The following SETBP1 variants were observed in gnomAD, a reference collection of about 807,000 sequenced individuals.
SETBP1 encodes the protein SET-binding protein.
A neutral mutation model predicts 101.0 loss-of-function variants in SETBP1; 9 were observed. The ratio of observed to expected loss-of-function variants is 0.09; its 90% CI spans 0.05 to 0.16. The LOEUF is 0.16. Ranked by LOEUF, SETBP1 falls within the 10% of genes least tolerant of loss-of-function variation. The pLI, the probability that SETBP1 is intolerant of heterozygous loss-of-function variation, is 1.00. For missense variants in SETBP1, 1,858 were observed against 2,033.8 expected (o/e 0.91, Z 1.66); for synonymous variants, 818 against 788.5 (o/e 1.04, Z -0.63).
chr18:44,911,941 C>CCACA (rs5824564), intron 3 of SETBP1, among the ~76,000 whole-genome samples: 64 of 150,016 alleles, frequency 4.3e-4, no homozygotes, highest in Admixed American at 1.6e-3. Flanking sequence ...ATACACACAC[C>CCACA]CACACACACA....
intron 4 of SETBP1, among the ~76,000 whole-genome samples, chr18:44,957,676 C>T (rs911602476): frequency 6.6e-6 from 1 of 152,154 alleles, no homozygotes; most frequent in Non-Finnish European, 1.5e-5. Context: ...CTGTCACTCA[C>T]TGGCAGGATA....
At chr18:44,703,662 TTTG>T (rs1216574174) in intron 2 of SETBP1, among the ~76,000 whole-genome samples, 1 of 152,062 alleles carries the variant, frequency 6.6e-6, no homozygotes, top group Non-Finnish European at 1.5e-5. Flanking sequence ...AGTTTAACAT[TTTG>T]GAAGACAAAG....
chr18:44,944,304 C>G (rs1002200291), intron 3 of SETBP1, among the ~76,000 whole-genome samples: 3 of 152,150 alleles, frequency 2.0e-5, no homozygotes, highest in Non-Finnish European at 4.4e-5. Flanking sequence ...TCCTAACAGG[C>G]CTATGGTGGT....
At chr18:45,040,760 C>A (rs1450229085) in intron 5 of SETBP1, among the ~76,000 whole-genome samples, 1 of 152,212 alleles carries the variant, frequency 6.6e-6, no homozygotes, top group African/African-American at 2.4e-5. Flanking sequence ...TCATACTTGC[C>A]TCCCTGGTAA....
At chr18:44,688,627 T>C (rs910938243) in intron 1 of SETBP1, among the ~76,000 whole-genome samples, 12 of 152,026 alleles carry the variant, frequency 7.9e-5, no homozygotes, top group Non-Finnish European at 1.8e-4. Context: ...TAATTTTTTA[T>C]ATTTGTTGTA....
At chr18:44,727,607 G>A (rs1183716803) in intron 2 of SETBP1, among the ~76,000 whole-genome samples, 2 of 152,080 alleles carry the variant, frequency 1.3e-5, no homozygotes, top group Non-Finnish European at 2.9e-5. Context: ...AATCATTTAC[G>A]CAACCCCTAC....
In SETBP1 at chr18:45,002,345, G is replaced by T. The variant is rs2156602; in HGVS notation, c.4001-36140G>T. Reference sequence around the variant, plus strand: ...AGATTCCATTCTTGAATCCTTTGCCGTGTTATAAACAAGGCTGAGCACACA... The same window carrying T: ...AGATTCCATTCTTGAATCCTTTGCCTTGTTATAAACAAGGCTGAGCACACA... On this transcript the variant is annotated intron_variant, in intron 4 of 5. Coordinates refer to ENST00000649279, the MANE Select transcript of SETBP1 (RefSeq NM_015559.3). Among the ~76,000 whole-genome samples, 5 of 148,536 alleles carry T rather than the reference G, an allele frequency of 3.4e-5. No homozygotes were observed. The South Asian group carries it at 1.1e-3, about 32-fold the overall frequency.
At chr18:44,969,632 GTTTGAC>G (rs2071798086) in intron 4 of SETBP1, among the ~76,000 whole-genome samples, 1 of 152,150 alleles carries the variant, frequency 6.6e-6, no homozygotes, top group South Asian at 2.1e-4. Flanking sequence ...TAGGTTCTAG[GTTTGAC>G]TTTATTTGTG....
Position 44,940,977 on chromosome 18 carries a change from C to T in SETBP1, c.541-8904C>T, listed in dbSNP as rs567233418. Among the ~76,000 whole-genome samples, 240 of 151,056 alleles carry T rather than the reference C, an allele frequency of 1.6e-3. No individual in the cohort carries two copies. In the Middle Eastern group the frequency reaches 0.038, roughly 24 times the overall value. Reference sequence around the variant, plus strand: ...TGTCATCATTTTTAAAGAATATTTTCGCTGGATATATAAATTTGACTGTTT... The same window carrying T: ...TGTCATCATTTTTAAAGAATATTTTTGCTGGATATATAAATTTGACTGTTT... On this transcript the variant is annotated intron_variant, in intron 3 of 5. Transcript: ENST00000649279.
intron 2 of SETBP1, among the ~76,000 whole-genome samples, chr18:44,748,571 A>G (rs566511979): frequency 1.3e-5 from 2 of 152,330 alleles, no homozygotes; most frequent in Admixed American, 6.5e-5. Flanking sequence ...GGGTCAGTTG[A>G]TATCATGAAC....
In SETBP1 at chr18:44,915,562, A is replaced by G. The variant is rs188053551; in HGVS notation, c.541-34319A>G. Among the ~76,000 whole-genome samples the G allele has an allele frequency of 2.6e-5, 4 of 152,328 alleles. No homozygotes were observed. In the East Asian group the frequency reaches 7.7e-4, roughly 29 times the overall value. On this transcript the variant is annotated intron_variant, in intron 3 of 5. Transcript: ENST00000649279. ...TAATAGCTAACAACTAAGGACTCAA[A>G]TGTGCAGTATTGACTGTTAATAGTA...
chr18:44,893,916 T>G (rs1158237745), intron 3 of SETBP1, among the ~76,000 whole-genome samples: 4 of 152,132 alleles, frequency 2.6e-5, no homozygotes, highest in Non-Finnish European at 5.9e-5. Flanking sequence ...GCTGCCTATC[T>G]ATTGTATATA....
chr18:44,955,374 G>A lies in SETBP1; in HGVS notation c.4000+2034G>A, dbSNP rs137905727. Among the ~76,000 whole-genome samples the A allele has an allele frequency of 8.0e-4, 122 of 152,252 alleles. 1 individual carries two copies. Among genetic ancestry groups the A allele is most frequent in the African/African-American group, 1.5e-3 (62 of 41,548 alleles). ...CATGAAAGAAAGCTGGATTCAACCCGAAGAACTGGATACAAGGCCCAACTC... is the reference window on the plus strand; with the variant it reads ...CATGAAAGAAAGCTGGATTCAACCCAAAGAACTGGATACAAGGCCCAACTC... On this transcript the variant is annotated intron_variant, in intron 4 of 5. Coordinates refer to ENST00000649279, the MANE Select transcript of SETBP1 (RefSeq NM_015559.3).
At chr18:44,938,223 A>C (rs891735019) in intron 3 of SETBP1, among the ~76,000 whole-genome samples, 1 of 152,296 alleles carries the variant, frequency 6.6e-6, no homozygotes, top group African/African-American at 2.4e-5. Context: ...GGGGAGGATA[A>C]CAAAGGCTGG....
intron 2 of SETBP1, among the ~76,000 whole-genome samples, chr18:44,751,032 A>G (rs1431553659): frequency 6.6e-6 from 1 of 152,176 alleles, no homozygotes; most frequent in Non-Finnish European, 1.5e-5. Context: ...CACAAGGGTC[A>G]GCCTGGTATT....
chr18:44,970,384 C>T (rs547151082), intron 4 of SETBP1, among the ~76,000 whole-genome samples: 39 of 152,268 alleles, frequency 2.6e-4, no homozygotes, highest in Non-Finnish European at 4.3e-4. Context: ...CTATATGTAG[C>T]AGAATGCCTG....
intron 5 of SETBP1, among the ~76,000 whole-genome samples, chr18:45,061,209 T>C (rs1418633573): frequency 6.6e-6 from 1 of 152,176 alleles, no homozygotes; most frequent in Non-Finnish European, 1.5e-5. Flanking sequence ...ATATTTGCAA[T>C]GATCACTTTA....
chr18:45,012,225 G>C (rs527261188), intron 4 of SETBP1, among the ~76,000 whole-genome samples: 1 of 152,306 alleles, frequency 6.6e-6, no homozygotes, highest in African/African-American at 2.4e-5. Flanking sequence ...ACCAGGCAGG[G>C]CCACTGGGGG....
At chr18:44,915,300 T>C (rs751917070) in intron 3 of SETBP1, among the ~76,000 whole-genome samples, 7 of 152,180 alleles carry the variant, frequency 4.6e-5, no homozygotes, top group Non-Finnish European at 1.0e-4. Flanking sequence ...GGGGTTTTAT[T>C]TGGTGGCTCA....
Sources: gnomAD v4.1 joint callset for allele counts (sites outside exome capture counted in the v4.1 genomes callset) on GRCh38, gnomAD v4.1.1 for gene constraint, MANE v1.5 for transcripts, NCBI Gene and HGNC (gene_info 2026-07-23, HGNC 2026-07-21) for gene names.